The following HDGFL3 variants were observed in gnomAD, a reference collection of about 807,000 sequenced individuals.
The protein encoded by HDGFL3 is hepatoma-derived growth factor-related protein 3.
HDGFL3 carries 6 observed loss-of-function variants against 27.6 expected under a neutral mutation model. The ratio of observed to expected loss-of-function variants is 0.22; its 90% CI spans 0.12 to 0.43. The LOEUF (loss-of-function observed/expected upper bound fraction) is 0.43. HDGFL3 is among the 20% of genes least tolerant of loss of function. The pLI is 1.00. For missense variants in HDGFL3, 207 were observed against 250.1 expected (o/e 0.83, Z 1.16); for synonymous variants, 88 against 88.9 (o/e 0.99, Z 0.05).
intron 1 of HDGFL3, among the ~76,000 whole-genome samples, chr15:83,204,744 T>C (rs957446739): frequency 3.3e-5 from 5 of 152,200 alleles, no homozygotes; most frequent in Admixed American, 3.3e-4. Flanking sequence ...TACTCTGTAT[T>C]TGTGAGGTGA....
At chr15:83,115,730 C>A (rs1289458822) in exon 4 of HDGFL3, 1 of 773,572 alleles carries the variant, frequency 1.3e-6, no homozygotes, top group East Asian at 2.6e-5. Context: ...CGATAATTGT[C>A]CACAGCATCT....
intron 5 of HDGFL3, among the ~76,000 whole-genome samples, chr15:83,150,483 T>G (rs2036950100): frequency 6.6e-6 from 1 of 152,106 alleles, no homozygotes. Flanking sequence ...ATAACTGGGA[T>G]GAAGGAAGAA....
exon 4 of HDGFL3, chr15:83,114,741 C>T (rs2034504994): frequency 6.6e-6 from 1 of 152,250 alleles, no homozygotes; most frequent in Non-Finnish European, 1.5e-5. Flanking sequence ...CATGTCCATC[C>T]CATAGTCTAA....
chr15:83,112,756 T>C, exon 4 of HDGFL3: 3 of 1,426,194 alleles, frequency 2.1e-6, no homozygotes, highest in Non-Finnish European at 3.0e-6. Context: ...ACCAATGTGT[T>C]TATTTTGATA....
intron 1 of HDGFL3, among the ~76,000 whole-genome samples, chr15:83,177,058 C>G (rs2037321626): frequency 6.6e-6 from 1 of 152,078 alleles, no homozygotes; most frequent in African/African-American, 2.4e-5. Flanking sequence ...GCTGGGATTA[C>G]AGGCACGTGT....
intron 3 of HDGFL3, among the ~76,000 whole-genome samples, chr15:83,118,718 G>A (rs2034931059): frequency 1.3e-5 from 2 of 152,126 alleles, no homozygotes; most frequent in African/African-American, 4.8e-5. Context: ...ATCTTACAGC[G>A]TGAAACAAGC....
intron 4 of HDGFL3, among the ~76,000 whole-genome samples, chr15:83,156,624 T>C (rs1445240462): frequency 6.6e-6 from 1 of 152,186 alleles, no homozygotes; most frequent in Non-Finnish European, 1.5e-5. Flanking sequence ...TGACGTGTGG[T>C]AGGCTGTACC....
intron 4 of HDGFL3, among the ~76,000 whole-genome samples, chr15:83,151,906 A>T (rs1434809369): frequency 6.6e-6 from 1 of 152,256 alleles, no homozygotes; most frequent in African/African-American, 2.4e-5. Context: ...TCAATTGTGG[A>T]GCATTATTTA....
intron 2 of HDGFL3, among the ~76,000 whole-genome samples, chr15:83,162,828 T>C (rs185925135): frequency 1.4e-4 from 21 of 152,354 alleles, no homozygotes; most frequent in African/African-American, 5.1e-4. Context: ...ATTTGAAGAC[T>C]TAAAAATTTT....
chr15:83,182,188 T>G (rs1400833947), intron 1 of HDGFL3, among the ~76,000 whole-genome samples: 1 of 152,198 alleles, frequency 6.6e-6, no homozygotes, highest in Non-Finnish European at 1.5e-5. Context: ...AAGTAGTATC[T>G]TCTGTGGATA....
At position 83,154,971 on chromosome 15, in the gene HDGFL3, C is replaced by T. The variant is rs138037167; in HGVS notation, c.459+2444G>A. Among the ~76,000 whole-genome samples the T allele has an allele frequency of 4.0e-3, 610 of 152,180 alleles. 3 individuals are homozygous for T. The highest frequency in any genetic ancestry group is 5.0e-3 in the Non-Finnish European group (341 of 68,012). On this transcript the variant is annotated intron_variant, in intron 4 of 5. Transcript: ENST00000299633. Reference sequence around the variant, plus strand: ...ACTCGCCTGGACTCCTGGGCTCATGCAATCCTTCCACCTCAGCCTCCCAAG... The same window carrying T: ...ACTCGCCTGGACTCCTGGGCTCATGTAATCCTTCCACCTCAGCCTCCCAAG...
intron 1 of HDGFL3, among the ~76,000 whole-genome samples, chr15:83,194,165 C>G (rs1304328288): frequency 6.6e-6 from 1 of 152,132 alleles, no homozygotes; most frequent in Non-Finnish European, 1.5e-5. Context: ...GTGAAAAAAA[C>G]TCAGGTATCC....
At chr15:83,203,647 A>C (rs759012477) in intron 1 of HDGFL3, among the ~76,000 whole-genome samples, 28 of 152,064 alleles carry the variant, frequency 1.8e-4, no homozygotes, top group Non-Finnish European at 3.4e-4. Context: ...ATCTCACAAG[A>C]AGCAGGCAGA....
intron 1 of HDGFL3, among the ~76,000 whole-genome samples, chr15:83,170,901 T>C (rs2037238542): frequency 6.8e-6 from 1 of 147,110 alleles, no homozygotes; most frequent in Admixed American, 6.8e-5. Flanking sequence ...ACAAATAATC[T>C]CATTAAAAAA....
At position 83,153,264 on chromosome 15, in the gene HDGFL3, C is replaced by T. The variant is rs556253205; in HGVS notation, c.460-1903G>A. ...CGATCTCCTGACCTCATGATCTGCCCGCCTCGGCCTCCCAAAGTGCTGGGA... is the reference window on the plus strand; with the variant it reads ...CGATCTCCTGACCTCATGATCTGCCTGCCTCGGCCTCCCAAAGTGCTGGGA... On this transcript the variant is annotated intron_variant, in intron 4 of 5. Coordinates refer to ENST00000299633, the MANE Select transcript of HDGFL3 (RefSeq NM_016073.4). Among the ~76,000 whole-genome samples the T allele has an allele frequency of 2.8e-3, 424 of 152,108 alleles. 3 individuals carry two copies. Among genetic ancestry groups the T allele is most frequent in the Middle Eastern group, 0.017 (5 of 294 alleles).
chr15:83,202,071 A>G (rs970481126), intron 1 of HDGFL3, among the ~76,000 whole-genome samples: 2 of 152,194 alleles, frequency 1.3e-5, no homozygotes. Flanking sequence ...CCTTCTTAGT[A>G]GATCATTGTC....
chr15:83,184,231 CTT>C (rs1326967627), intron 1 of HDGFL3, among the ~76,000 whole-genome samples: 1 of 152,148 alleles, frequency 6.6e-6, no homozygotes, highest in South Asian at 2.1e-4. Context: ...ACTGCCAACT[CTT>C]TGTTTTATTC....
chr15:83,199,055 A>C (rs1408812701), intron 1 of HDGFL3, among the ~76,000 whole-genome samples: 1 of 152,216 alleles, frequency 6.6e-6, no homozygotes, highest in Non-Finnish European at 1.5e-5. Flanking sequence ...ATCAGCAACA[A>C]CAACTCATTT....
In HDGFL3 at chr15:83,191,838, C is replaced by T. The variant is rs139738300; in HGVS notation, c.84+15493G>A. ...GAATCCAAGCACAAGCATGATAATCCATCAAATGTCTCAAAAACTTAACCT... is the reference window on the plus strand; with the variant it reads ...GAATCCAAGCACAAGCATGATAATCTATCAAATGTCTCAAAAACTTAACCT... On this transcript the variant is annotated intron_variant, in intron 1 of 5. Transcript: ENST00000299633. Among the ~76,000 whole-genome samples the T allele has an allele frequency of 2.9e-3, 434 of 151,860 alleles. 11 individuals carry two copies. Among genetic ancestry groups the T allele is most frequent in the Admixed American group, 0.022 (343 of 15,250 alleles).
Sources: gnomAD v4.1 joint callset for allele counts (sites outside exome capture counted in the v4.1 genomes callset) on GRCh38, gnomAD v4.1.1 for gene constraint, MANE v1.5 for transcripts, NCBI Gene and HGNC (gene_info 2026-07-23, HGNC 2026-07-21) for gene names.